AGBL4: variants seen among roughly 807,000 people sequenced by gnomAD.
AGBL4 encodes the protein AGBL carboxypeptidase 4.
Under a neutral mutation model 66.4 loss-of-function variants are expected in AGBL4, and 58 were observed. The ratio of observed to expected loss-of-function variants is 0.87; its 90% CI spans 0.71 to 1.09. AGBL4 has a LOEUF of 1.09. AGBL4 is among the 50% of genes least tolerant of loss of function. The pLI, the probability that AGBL4 is intolerant of heterozygous loss-of-function variation, is 0.00. For synonymous variants in AGBL4, 234 were observed against 222.9 expected (o/e 1.05, Z -0.44); for missense variants, 579 against 631.0 (o/e 0.92, Z 0.88).
At chr1:49,178,404 C>T (rs1164122186) in intron 4 of AGBL4, among the ~76,000 whole-genome samples, 1 of 152,118 alleles carries the variant, frequency 6.6e-6, no homozygotes, top group African/African-American at 2.4e-5. Context: ...TCAATGATGT[C>T]ATCCCAGCTC....
intron 3 of AGBL4, among the ~76,000 whole-genome samples, chr1:49,344,438 G>A (rs1416098450): frequency 6.6e-6 from 1 of 152,164 alleles, no homozygotes; most frequent in South Asian, 2.1e-4. Flanking sequence ...TAGTGCACAG[G>A]CTTAAAGGAT....
chr1:48,729,374 C>G (rs571511277), intron 6 of AGBL4, among the ~76,000 whole-genome samples: 1 of 152,094 alleles, frequency 6.6e-6, no homozygotes, highest in Non-Finnish European at 1.5e-5. Flanking sequence ...GAATGTACCA[C>G]GGGAATGTGT....
At chr1:48,594,462 A>G (rs182975218) in intron 9 of AGBL4, among the ~76,000 whole-genome samples, 2 of 152,332 alleles carry the variant, frequency 1.3e-5, no homozygotes, top group Admixed American at 1.3e-4. Context: ...TAGAGAAGCT[A>G]TGTATTATAG....
At chr1:49,209,451 C>T (rs1469232065) in intron 4 of AGBL4, among the ~76,000 whole-genome samples, 1 of 152,114 alleles carries the variant, frequency 6.6e-6, no homozygotes, top group Non-Finnish European at 1.5e-5. Context: ...AAGTATCTTC[C>T]TCTCCCTCAT....
At chr1:48,608,973 C>T (rs191190) in intron 9 of AGBL4, among the ~76,000 whole-genome samples, 80,805 of 152,000 alleles carry the variant, frequency 0.53, 22,309 homozygotes, top group Non-Finnish European at 0.6. Flanking sequence ...TTATGATCCT[C>T]ATTTTATTGA....
chr1:48,708,995 C>T lies in AGBL4; in HGVS notation c.635-45754G>A, dbSNP rs1305449378. ...ATTGCCTGAGGACAAAGACACAGGC[C>T]TGGCTGGACTCTTATCTCCTTCTCA... On this transcript the variant is annotated intron_variant, in intron 6 of 13. Transcript: ENST00000371839. Among the ~76,000 whole-genome samples, 6 of 152,196 alleles carry T rather than the reference C, an allele frequency of 3.9e-5. No individual in the cohort carries two copies. In the East Asian group the frequency reaches 1.2e-3, roughly 29 times the overall value.
intron 2 of AGBL4, among the ~76,000 whole-genome samples, chr1:49,748,704 C>T (rs1035158287): frequency 6.6e-6 from 1 of 152,208 alleles, no homozygotes; most frequent in African/African-American, 2.4e-5. Context: ...ACCATTATGA[C>T]TGGTGTGAGA....
chr1:48,529,056 A>T (rs1013985844), downstream of AGBL4, among the ~76,000 whole-genome samples: 1 of 151,852 alleles, frequency 6.6e-6, no homozygotes, highest in African/African-American at 2.4e-5. Context: ...CCTCACTCTC[A>T]CCATACCCAC....
At chr1:49,819,598 T>C (rs1645316150) in intron 2 of AGBL4, among the ~76,000 whole-genome samples, 1 of 152,180 alleles carries the variant, frequency 6.6e-6, no homozygotes, top group Non-Finnish European at 1.5e-5. Flanking sequence ...ACACTAACAA[T>C]GGACTGTTTT....
chr1:50,001,586 G>A (rs78627746), intron 1 of AGBL4, among the ~76,000 whole-genome samples: 8,069 of 151,750 alleles, frequency 0.053, 239 homozygotes, highest in African/African-American at 0.071. Flanking sequence ...TAGGAGCTAC[G>A]CAAGTAAAAC....
At chr1:48,944,443 TC>T (rs1656285486) in intron 5 of AGBL4, among the ~76,000 whole-genome samples, 1 of 152,140 alleles carries the variant, frequency 6.6e-6, no homozygotes, top group Non-Finnish European at 1.5e-5. Context: ...AGATTCTACT[TC>T]AGCACCATAG....
At chr1:49,880,894 C>A (rs1010538997) in intron 1 of AGBL4, among the ~76,000 whole-genome samples, 1 of 152,076 alleles carries the variant, frequency 6.6e-6, no homozygotes, top group Admixed American at 6.5e-5. Flanking sequence ...CTGAAAAGCA[C>A]AATATTCGGG....
At chr1:49,611,372 T>C (rs1645150908) in intron 3 of AGBL4, among the ~76,000 whole-genome samples, 1 of 132,102 alleles carries the variant, frequency 7.6e-6, no homozygotes, top group Non-Finnish European at 1.7e-5. Flanking sequence ...ATCAACCATA[T>C]TCTTTTTTTT....
rs570468379 is a variant in AGBL4, at chr1:49,331,111, A to ACAGAGCTGTGTGGAGTCTCGG, written c.283-85268_283-85248dup. Among the ~76,000 whole-genome samples, 270 of 152,246 alleles carry ACAGAGCTGTGTGGAGTCTCGG rather than the reference A, an allele frequency of 1.8e-3. 1 individual carries two copies. The highest frequency in any genetic ancestry group is 2.6e-3 in the Admixed American group (40 of 15,280). On this transcript the variant is annotated intron_variant, in intron 3 of 13. Coordinates refer to ENST00000371839, the MANE Select transcript of AGBL4 (RefSeq NM_032785.4). ...TCCACTAGGGTCTTGGGTCTGACAC[A>ACAGAGCTGTGTGGAGTCTCGG]CAGAGCTGTGTGGAGTCTCGGCAGA...
intron 1 of AGBL4, among the ~76,000 whole-genome samples, chr1:49,920,886 T>C (rs766184614): frequency 2.6e-5 from 4 of 152,156 alleles, no homozygotes; most frequent in Non-Finnish European, 5.9e-5. Flanking sequence ...GTGGCACACA[T>C]ACACCATGGA....
At chr1:49,198,607 T>A (rs540171134) in intron 4 of AGBL4, among the ~76,000 whole-genome samples, 32 of 152,104 alleles carry the variant, frequency 2.1e-4, no homozygotes, top group Non-Finnish European at 4.3e-4. Flanking sequence ...CCCAAAGTGC[T>A]AGGATTACGG....
chr1:49,135,489 C>T (rs1339157050), intron 4 of AGBL4, among the ~76,000 whole-genome samples: 1 of 152,066 alleles, frequency 6.6e-6, no homozygotes, highest in Non-Finnish European at 1.5e-5. Flanking sequence ...GGTCTCACAG[C>T]CTTCAGAGCT....
At chr1:49,494,845 G>A (rs997240634) in intron 3 of AGBL4, among the ~76,000 whole-genome samples, 1 of 152,040 alleles carries the variant, frequency 6.6e-6, no homozygotes, top group Admixed American at 6.5e-5. Flanking sequence ...CTGAGGAATC[G>A]CCACACTGAC....
At chr1:49,948,263 AATAAATACATATAAATATAT>A (rs1557609144) in intron 1 of AGBL4, among the ~76,000 whole-genome samples, 5 of 102,150 alleles carry the variant, frequency 4.9e-5, no homozygotes, top group African/African-American at 2.4e-4. Context: ...TAAATATATA[AATAAATACATATAAATATAT>A]ATAAATATAT....
Sources: allele counts gnomAD v4.1 joint callset (sites outside exome capture counted in the v4.1 genomes callset), GRCh38; gene constraint gnomAD v4.1.1; transcripts MANE v1.5; gene names NCBI Gene and HGNC (gene_info 2026-07-23, HGNC 2026-07-21).